NDEL1: variants seen among roughly 807,000 people sequenced by gnomAD.
NDEL1 encodes nudE neurodevelopment protein 1 like 1.
Under a neutral mutation model 45.7 loss-of-function variants are expected in NDEL1, and 9 were observed. The ratio of observed to expected loss-of-function variants is 0.20; its 90% CI spans 0.12 to 0.34. The LOEUF is 0.34. Among genes scored for constraint, NDEL1 ranks in the 10% least tolerant of loss-of-function variants. The pLI is 1.00. For missense variants in NDEL1, 306 were observed against 406.2 expected, an observed-to-expected ratio of 0.75 and a Z score of 2.12; for synonymous variants, 133 against 158.6, an observed-to-expected ratio of 0.84 and a Z score of 1.21.
At chr17:8,437,729 ACAATAT>A (rs1428747870) in intron 1 of NDEL1, among the ~76,000 whole-genome samples, 3 of 152,214 alleles carry the variant, frequency 2.0e-5, no homozygotes, top group Non-Finnish European at 4.4e-5. Flanking sequence ...TTAACCAGAA[ACAATAT>A]CATTGAAAAT....
chr17:8,463,407 G>A, intron 8 of NDEL1: 1 of 1,557,568 alleles, frequency 6.4e-7, no homozygotes, highest in Non-Finnish European at 8.8e-7. Flanking sequence ...ATCCTGGTGT[G>A]TGGTGGAAGA....
At chr17:8,448,104 A>G (rs572622928) in intron 4 of NDEL1, among the ~76,000 whole-genome samples, 14 of 152,184 alleles carry the variant, frequency 9.2e-5, no homozygotes, top group Non-Finnish European at 1.8e-4. Context: ...TTTCTTACTT[A>G]GGTGTGGAAA....
intron 8 of NDEL1, chr17:8,461,100 G>A (rs1363353467): frequency 6.6e-6 from 1 of 152,184 alleles, no homozygotes; most frequent in African/African-American, 2.4e-5. Flanking sequence ...TCTGCTTTGA[G>A]TCAAAGAGGT....
At chr17:8,469,861 AT>A (rs762773754), downstream of NDEL1, among the ~76,000 whole-genome samples, 9 of 128,610 alleles carry the variant, frequency 7.0e-5, no homozygotes, top group African/African-American at 1.5e-4. Context: ...TGCCTGGCTA[AT>A]TTTTTTTTTT....
At chr17:8,440,370 C>T (rs1284572255) in intron 1 of NDEL1, among the ~76,000 whole-genome samples, 4 of 151,902 alleles carry the variant, frequency 2.6e-5, no homozygotes, top group South Asian at 2.1e-4. Context: ...AAAAATTAGC[C>T]AGGTATGGTG....
At chr17:8,418,365 A>C (rs2313149) in intron 1 of NDEL1, among the ~76,000 whole-genome samples, 57,519 of 152,016 alleles carry the variant, frequency 0.38, 11,096 homozygotes, top group Non-Finnish European at 0.41. Flanking sequence ...GCTTCCTTAC[A>C]CTTTACTAAC....
chr17:8,460,932 CTTAT>C (rs1240786653), intron 8 of NDEL1, among the ~76,000 whole-genome samples: 1 of 152,134 alleles, frequency 6.6e-6, no homozygotes, highest in African/African-American at 2.4e-5. Flanking sequence ...CCTCAATTTA[CTTAT>C]TTATTTTTAA....
At chr17:8,423,386 A>C (rs1908749630) in intron 1 of NDEL1, among the ~76,000 whole-genome samples, 1 of 152,120 alleles carries the variant, frequency 6.6e-6, no homozygotes, top group Non-Finnish European at 1.5e-5. Flanking sequence ...ATATATGTTC[A>C]AAAGAGGGAA....
intron 1 of NDEL1, among the ~76,000 whole-genome samples, chr17:8,414,948 C>G (rs1196921209): frequency 6.6e-6 from 1 of 152,164 alleles, no homozygotes; most frequent in African/African-American, 2.4e-5. Flanking sequence ...CAGTCTCTTT[C>G]TCTTATTCCT....
intron 8 of NDEL1, among the ~76,000 whole-genome samples, chr17:8,462,586 C>T (rs906666003): frequency 5.3e-5 from 8 of 152,272 alleles, no homozygotes; most frequent in African/African-American, 1.9e-4. Context: ...TACACTCTGG[C>T]AGGTTAAAAA....
chr17:8,420,135 A>C (rs1908666738), intron 1 of NDEL1, among the ~76,000 whole-genome samples: 2 of 152,156 alleles, frequency 1.3e-5, no homozygotes, highest in South Asian at 4.1e-4. Flanking sequence ...GGGTCTATGA[A>C]TGCTGACCTT....
chr17:8,436,846 G>A (rs971878360), intron 1 of NDEL1, among the ~76,000 whole-genome samples: 2 of 152,144 alleles, frequency 1.3e-5, no homozygotes, highest in African/African-American at 4.8e-5. Context: ...AATGGAGCTG[G>A]GATGGGGGTA....
chr17:8,424,575 C>T (rs567045257), intron 1 of NDEL1, among the ~76,000 whole-genome samples: 1 of 152,340 alleles, frequency 6.6e-6, no homozygotes, highest in South Asian at 2.1e-4. Flanking sequence ...GATCTCAGCT[C>T]ACAGGAAGCA....
intron 8 of NDEL1, chr17:8,464,915 A>G (rs1213120307): frequency 6.6e-6 from 1 of 152,228 alleles, no homozygotes; most frequent in Non-Finnish European, 1.5e-5. Flanking sequence ...AAATGCCAGA[A>G]TCCCATCCTC....
chr17:8,451,068 A>C (rs1910476421), intron 6 of NDEL1, 115 bp downstream of exon 6: 2 of 920,478 alleles, frequency 2.2e-6, no homozygotes, highest in African/African-American at 1.7e-5. Context: ...AAGTTGGTGA[A>C]GTCTAGTGCT....
At chr17:8,416,979 A>G (rs1306410822) in intron 1 of NDEL1, among the ~76,000 whole-genome samples, 1 of 151,912 alleles carries the variant, frequency 6.6e-6, no homozygotes, top group African/African-American at 2.4e-5. Context: ...TCTTTTTTTG[A>G]AGCCCCGTGT....
chr17:8,469,705 CT>C (rs60226650), downstream of NDEL1, among the ~76,000 whole-genome samples: 114,706 of 129,128 alleles, frequency 0.89, 50,932 homozygotes, highest in East Asian at 0.99. Context: ...ACTTTAGTGA[CT>C]TTTTTTTTTT....
intron 2 of NDEL1, chr17:8,444,646 G>A (rs1043494153): frequency 1.8e-5 from 5 of 276,008 alleles, no homozygotes; most frequent in Admixed American, 5.2e-5. Context: ...TCTTTGGCCC[G>A]TTTTGCATGC....
At chr17:8,449,538 G>C (rs958368706) in intron 5 of NDEL1, among the ~76,000 whole-genome samples, 1 of 152,090 alleles carries the variant, frequency 6.6e-6, no homozygotes, top group African/African-American at 2.4e-5. Flanking sequence ...TATACCTATT[G>C]AATAGTGACT....
Sources: allele counts gnomAD v4.1 joint callset (sites outside exome capture counted in the v4.1 genomes callset), GRCh38; gene constraint gnomAD v4.1.1; transcripts MANE v1.5; gene names NCBI Gene and HGNC (gene_info 2026-07-23, HGNC 2026-07-21).